The following RPP14 variants were observed in gnomAD, a reference collection of about 807,000 sequenced individuals.
The protein encoded by RPP14 is ribonuclease P protein subunit p14.
A neutral mutation model predicts 17.8 loss-of-function variants in RPP14; 19 were observed. That is an observed-to-expected ratio of 1.07 (90% confidence interval 0.74 to 1.57). The LOEUF is 1.57. Among genes scored for constraint, RPP14 ranks in the 40% most tolerant of loss-of-function variants. The pLI, the probability that RPP14 is intolerant of heterozygous loss-of-function variation, is 0.00. For synonymous variants in RPP14, 60 were observed against 56.4 expected (o/e 1.06, Z -0.29); for missense variants, 125 against 140.8 (o/e 0.89, Z 0.57).
chr3:58,314,209 G>A (rs1277316981), intron 3 of RPP14, among the ~76,000 whole-genome samples: 6 of 152,172 alleles, frequency 3.9e-5, no homozygotes, highest in Non-Finnish European at 8.8e-5. Flanking sequence ...AAACTAGCCG[G>A]GCGTGGTGGC....
At chr3:58,315,629 G>A (rs1318728713) in intron 3 of RPP14, 4 of 152,140 alleles carry the variant, frequency 2.6e-5, no homozygotes, top group African/African-American at 9.7e-5. Flanking sequence ...TGACATTGTG[G>A]GAGGCTGGAT....
At position 58,319,635 on chromosome 3, in the gene RPP14, A is replaced by G. The variant is rs1006781088; in HGVS notation, c.*2139A>G. ...TATGAGTAATACATGCTTATAGTAA[A>G]AAAAAAAAAATTGTAAGAAATAAAT... is the stretch of plus-strand genomic sequence containing the variant. On this transcript the variant is annotated 3_prime_UTR_variant, in exon 6 of 6. Transcript: ENST00000295959. 1 of 150,558 alleles carries G rather than the reference A, an allele frequency of 6.6e-6. No homozygotes were observed. The highest frequency in any genetic ancestry group is 6.6e-5 in the Admixed American group (1 of 15,074). 9.3% of individuals were successfully genotyped at this position (150,558 alleles called of 1,614,324 possible).
intron 3 of RPP14, among the ~76,000 whole-genome samples, chr3:58,315,979 C>T (rs2097487865): frequency 6.6e-6 from 1 of 152,154 alleles, no homozygotes; most frequent in South Asian, 2.1e-4. Flanking sequence ...CCCGGCCAAT[C>T]CCTGTACATT....
At chr3:58,306,907 A>T (rs1028268463) in intron 1 of RPP14, among the ~76,000 whole-genome samples, 1 of 152,202 alleles carries the variant, frequency 6.6e-6, no homozygotes, top group African/African-American at 2.4e-5. Context: ...TCATAGAAAA[A>T]GGCAAATGCT....
At chr3:58,306,525 C>T (rs1022375879) in intron 1 of RPP14, 108 bp downstream of exon 1, 2 of 152,314 alleles carry the variant, frequency 1.3e-5, no homozygotes, top group South Asian at 2.1e-4. Flanking sequence ...AGCTTGTCCT[C>T]TCCGACCCCG....
intron 1 of RPP14, among the ~76,000 whole-genome samples, chr3:58,308,825 C>T (rs984539242): frequency 2.1e-4 from 32 of 151,904 alleles, no homozygotes; most frequent in African/African-American, 7.7e-4. Flanking sequence ...GGGGGCTTAA[C>T]TTAGAGAAGG....
rs576901004 is a variant in RPP14, at chr3:58,319,259, G to T, written c.*1763G>T. 6.6e-6 allele frequency: 1 copy of T among 152,334 alleles called. No homozygotes were observed. Among genetic ancestry groups the T allele is most frequent in the African/African-American group, 2.4e-5 (1 of 41,584 alleles). The allele number at this position is 152,334 out of a possible 1,614,324, so 9.4% of individuals were successfully genotyped here. On this transcript the variant is annotated 3_prime_UTR_variant, in exon 6 of 6. Coordinates refer to ENST00000295959, the MANE Select transcript of RPP14 (RefSeq NM_007042.6). ...AAGGTGGCATCTTAGTCTACCTTCA[G>T]TGAGACTTGCGTTTCAGGGGAGGGG...
intron 3 of RPP14, among the ~76,000 whole-genome samples, chr3:58,311,314 C>A (rs138060718): frequency 0.025 from 3,872 of 152,240 alleles, 170 homozygotes; most frequent in African/African-American, 0.088. Context: ...GCTACCATGC[C>A]CAACTAATTT....
At chr3:58,314,387 C>T (rs181341237) in intron 3 of RPP14, among the ~76,000 whole-genome samples, 8 of 152,146 alleles carry the variant, frequency 5.3e-5, no homozygotes, top group Admixed American at 2.6e-4. Context: ...AAAGAAGTAT[C>T]AGAACTCAAC....
chr3:58,317,535 C>A lies in RPP14; in HGVS notation c.*39C>A. 7.2e-7 allele frequency: 1 copy of A among 1,388,374 alleles called. No individual in the cohort carries two copies. Among genetic ancestry groups the A allele is most frequent in the Non-Finnish European group, 1.0e-6 (1 of 983,630 alleles). The allele number at this position is 1,388,374 out of a possible 1,614,324, so 86.0% of individuals were successfully genotyped here. On this transcript the variant is annotated 3_prime_UTR_variant, in exon 6 of 6. Transcript: ENST00000295959. ...CATTTTGGAAACGTTCATCCACTCT[C>A]ATATTTATTTTTTGGTGCCTGCATG...
At position 58,317,482 on chromosome 3, in the gene RPP14, C is replaced by T; in HGVS notation, c.361C>T (p.Leu121=). Residue 121 remains leucine (L), a synonymous_variant, in exon 6 of 6, where the codon CTA becomes TTA. Coordinates refer to ENST00000295959, the MANE Select transcript of RPP14 (RefSeq NM_007042.6). ...LLALSGNSRE[L]VLD ...TGCATTATCTGGTAATAGTAGGGAACTAGTATTGGATTGAATGAATAGTCT... is the reference window on the plus strand; with the variant it reads ...TGCATTATCTGGTAATAGTAGGGAATTAGTATTGGATTGAATGAATAGTCT... 6.3e-7 allele frequency: 1 copy of T among 1,592,178 alleles called. No homozygotes were observed. Among genetic ancestry groups the T allele is most frequent in the Non-Finnish European group, 8.6e-7 (1 of 1,161,452 alleles).
intron 3 of RPP14, among the ~76,000 whole-genome samples, chr3:58,312,960 C>CA (rs35853424): frequency 0.3 from 23,376 of 78,880 alleles, 3,386 homozygotes; most frequent in African/African-American, 0.34. Context: ...GACTCTGTCT[C>CA]AAAAAAAAAA....
At position 58,316,251 on chromosome 3, in the gene RPP14, T is replaced by A. The variant is rs2097488195; in HGVS notation, c.163-264T>A. On this transcript the variant is annotated intron_variant, in intron 3 of 5. Coordinates refer to ENST00000295959, the MANE Select transcript of RPP14 (RefSeq NM_007042.6). Reference sequence around the variant, plus strand: ...CTGTACAAGAAAGAACATAGCAAGCTGACTTTGTCTCATCTTGAAGATCAG... The same window carrying A: ...CTGTACAAGAAAGAACATAGCAAGCAGACTTTGTCTCATCTTGAAGATCAG... Among the ~76,000 whole-genome samples the A allele has an allele frequency of 2.0e-5, 3 of 152,302 alleles. No homozygotes were observed. In the South Asian group the frequency reaches 6.2e-4, roughly 32 times the overall value.
At chr3:58,316,492 T>TA in intron 3 of RPP14, 23 bp from the exon 4 acceptor site, 1 of 1,594,894 alleles carries the variant, frequency 6.3e-7, no homozygotes. Flanking sequence ...AATAGCCTGC[T>TA]AATAGCATTA....
chr3:58,308,460 T>A (rs558084044), intron 1 of RPP14, among the ~76,000 whole-genome samples: 253 of 129,324 alleles, frequency 2.0e-3, no homozygotes, highest in African/African-American at 6.4e-3. Context: ...ATTTAAGTTT[T>A]TTTGTTTTTT....
In RPP14 at chr3:58,317,756, T is replaced by G. The variant is rs2097489865; in HGVS notation, c.*260T>G. On this transcript the variant is annotated 3_prime_UTR_variant, in exon 6 of 6. Coordinates refer to ENST00000295959, the MANE Select transcript of RPP14 (RefSeq NM_007042.6). ...GACCGCGCTGAACTTAGGAGGGCCT[T>G]CACACAGACTGATGTGGCTACCTTC... 1.4e-6 allele frequency: 1 copy of G among 703,186 alleles called. No homozygotes were observed. The highest frequency in any genetic ancestry group is 2.6e-6 in the Non-Finnish European group (1 of 385,002). 43.6% of individuals were successfully genotyped at this position (703,186 alleles called of 1,614,324 possible).
chr3:58,317,910 A>C lies in RPP14; in HGVS notation c.*414A>C, dbSNP rs1409260718. ...TTATCTCAGCTCTCCTAGGAACTAA[A>C]ATGCCAGGGCCAGGCTGTGTATTTC... On this transcript the variant is annotated 3_prime_UTR_variant, in exon 6 of 6. Transcript: ENST00000295959. 3 of 702,988 alleles carry C rather than the reference A, an allele frequency of 4.3e-6. No homozygotes were observed. The Admixed American group carries it at 6.0e-5, about 14-fold the overall frequency. 43.5% of individuals were successfully genotyped at this position (702,988 alleles called of 1,614,324 possible).
chr3:58,317,163 A>G (rs541514348), intron 5 of RPP14, among the ~76,000 whole-genome samples, 170 bp downstream of exon 5: 82 of 152,376 alleles, frequency 5.4e-4, no homozygotes, highest in African/African-American at 1.9e-3. Context: ...CAGAGCACTT[A>G]GATTTTAAAA....
chr3:58,310,658 C>A, intron 3 of RPP14, 67 bp downstream of exon 3: 1 of 1,387,948 alleles, frequency 7.2e-7, no homozygotes, highest in Admixed American at 2.1e-5. Context: ...AGAGGCCGGG[C>A]GCGGTAGCTC....
Sources: gnomAD v4.1 joint callset for allele counts (sites outside exome capture counted in the v4.1 genomes callset) on GRCh38, gnomAD v4.1.1 for gene constraint, MANE v1.5 for transcripts, NCBI Gene and HGNC (gene_info 2026-07-23, HGNC 2026-07-21) for gene names.